The following MRPL20 variants were observed in gnomAD, a reference collection of about 807,000 sequenced individuals.
MRPL20 encodes large ribosomal subunit protein bL20m.
Under a neutral mutation model 20.0 loss-of-function variants are expected in MRPL20, and 21 were observed. The observed-to-expected ratio is 1.05, with a 90% confidence interval of 0.74 to 1.51. The LOEUF (loss-of-function observed/expected upper bound fraction) is 1.51. Ranked by LOEUF, MRPL20 falls within the 40% of genes most tolerant of loss-of-function variation. The pLI is 0.00. For synonymous variants in MRPL20, 104 were observed against 73.0 expected, an observed-to-expected ratio of 1.43 and a Z score of -2.17; for missense variants, 252 against 185.6, an observed-to-expected ratio of 1.36 and a Z score of -2.08.
At chr1:1,402,466 G>A in intron 3 of MRPL20, 1 of 1,320,448 alleles carries the variant, frequency 7.6e-7, no homozygotes, top group South Asian at 2.1e-5. Context: ...AAGCACCTGT[G>A]GAATCTGCAG....
At chr1:1,406,851 G>A (rs1645389245) in intron 2 of MRPL20, 58 bp downstream of exon 2, 3 of 1,462,522 alleles carry the variant, frequency 2.1e-6, no homozygotes, top group South Asian at 2.3e-5. Context: ...GGGTCGCGGC[G>A]CAGAAACGCA....
chr1:1,404,692 G>A (rs897679061), intron 3 of MRPL20, among the ~76,000 whole-genome samples: 18 of 151,706 alleles, frequency 1.2e-4, no homozygotes, highest in African/African-American at 4.1e-4. Context: ...AGTAGAGACC[G>A]GGTTTCACCT....
At position 1,406,961 on chromosome 1, in the gene MRPL20, G is replaced by A; in HGVS notation, c.146C>T (p.Ala49Val). 1 of 1,613,850 alleles carries A rather than the reference G, an allele frequency of 6.2e-7. No homozygotes were observed. Among genetic ancestry groups the A allele is most frequent in the Non-Finnish European group, 8.5e-7 (1 of 1,179,782 alleles). ...TCGGGCTTTGGTGCATTTCACAAAG[G>A]CTCGAATCACGGTTCTGACCGCCAA... ...YRLAVRTVIR[A>V]FVKCTKARYL... is the part of the protein sequence containing the mutation. Residue 49 changes from alanine to valine, a missense_variant, in exon 2 of 4, where the codon GCC (alanine) becomes GTC (valine). By Grantham distance (64) the Ala-to-Val change is moderately conservative. Transcript: ENST00000344843.
At position 1,407,005 on chromosome 1, in the gene MRPL20, C is replaced by T. The variant is rs767932824; in HGVS notation, c.102G>A (p.Arg34=). ...CCGCCAACCTGTAGCAGCGATTTTT[C>T]CTTCCCCGGAAGTGCTGGGACAGAA... ...VLKHARHFRG[R]KNRCYRLAVR... The change falls in exon 2 of 4, where the codon AGG becomes AGA. Residue 34 remains arginine (R), a synonymous_variant. Coordinates refer to ENST00000344843, the MANE Select transcript of MRPL20 (RefSeq NM_017971.4). 35 of 1,613,656 alleles carry T rather than the reference C, an allele frequency of 2.2e-5. No homozygotes were observed. In the East Asian group the frequency reaches 7.6e-4, roughly 35 times the overall value.
intron 3 of MRPL20, chr1:1,405,464 AGT>A: frequency 3.4e-6 from 2 of 596,062 alleles, no homozygotes; most frequent in Non-Finnish European, 6.0e-6. Flanking sequence ...TTTTGTAGAG[AGT>A]GGTCTCACTA....
chr1:1,403,295 G>A (rs1352103122), intron 3 of MRPL20, among the ~76,000 whole-genome samples: 1 of 151,784 alleles, frequency 6.6e-6, no homozygotes, highest in Non-Finnish European at 1.5e-5. Flanking sequence ...CCAAGCTGGA[G>A]TGCAGTGGTG....
chr1:1,402,063 A>C lies in MRPL20; in HGVS notation c.*20T>G, dbSNP rs762493500. ...TGCAAATTACTCTGTCTCTTTTCCT[A>C]ATCAATACAGCAACAGTCCTCAGTG... On this transcript the variant is annotated 3_prime_UTR_variant, in exon 4 of 4. Transcript: ENST00000344843. 5.7e-6 allele frequency: 9 copies of C among 1,591,940 alleles called. No homozygotes were observed. Among genetic ancestry groups the C allele is most frequent in the South Asian group, 2.3e-5 (2 of 87,972 alleles).
intron 3 of MRPL20, among the ~76,000 whole-genome samples, chr1:1,404,843 T>G (rs959629277): frequency 2.6e-5 from 4 of 152,158 alleles, no homozygotes; most frequent in Non-Finnish European, 4.4e-5. Context: ...TTTCCAATTC[T>G]GCTCTGCTGC....
In MRPL20 at chr1:1,402,016, C is replaced by A; in HGVS notation, c.*67G>T. On this transcript the variant is annotated 3_prime_UTR_variant, in exon 4 of 4. Coordinates refer to ENST00000344843, the MANE Select transcript of MRPL20 (RefSeq NM_017971.4). Reference sequence around the variant, plus strand: ...TGTCTGTTATTGGGTTGTAGATAAACAAAAGTATAAATCAAACAAACTGCA... The same window carrying A: ...TGTCTGTTATTGGGTTGTAGATAAAAAAAAGTATAAATCAAACAAACTGCA... The A allele has an allele frequency of 6.5e-7, 1 of 1,534,360 alleles. No homozygotes were observed. The highest frequency in any genetic ancestry group is 8.8e-7 in the Non-Finnish European group (1 of 1,133,868).
intron 3 of MRPL20, 58 bp from the exon 4 acceptor site, chr1:1,402,314 C>T (rs1384016135): frequency 4.6e-6 from 7 of 1,536,126 alleles, no homozygotes; most frequent in East Asian, 2.3e-5. Flanking sequence ...TCCGGCTCCG[C>T]GTGGTTGCGG....
rs1645394465 is a variant in MRPL20, at chr1:1,407,244, A to C, written c.-27T>G. On this transcript the variant is annotated 5_prime_UTR_variant, in exon 1 of 4. Coordinates refer to ENST00000344843, the MANE Select transcript of MRPL20 (RefSeq NM_017971.4). The stretch of plus-strand genomic sequence containing the variant: ...GCGCCTGCAGGCCGGCGTCCCGAAC[A>C]CTCAACAACGCACGCGCAGCGCCGC... 1 of 1,560,806 alleles carries C rather than the reference A, an allele frequency of 6.4e-7. No individual in the cohort carries two copies. The highest frequency in any genetic ancestry group is 1.9e-5 in the Admixed American group (1 of 53,230).
At position 1,402,311 on chromosome 1, in the gene MRPL20, C is replaced by T. The variant is rs979711665; in HGVS notation, c.277-55G>A. 5 of 1,543,316 alleles carry T rather than the reference C, an allele frequency of 3.2e-6. No individual in the cohort carries two copies. In the Admixed American group the frequency reaches 5.9e-5, roughly 18 times the overall value. On this transcript the variant is annotated intron_variant, in intron 3 of 3. Transcript: ENST00000344843. The stretch of plus-strand genomic sequence containing the variant: ...TCAGTGTGAGACACACACTCCGGCT[C>T]CGCGTGGTTGCGGCGCTGGCTCAGG...
chr1:1,402,873 A>T (rs569638236), intron 3 of MRPL20, among the ~76,000 whole-genome samples: 1 of 152,226 alleles, frequency 6.6e-6, no homozygotes, highest in South Asian at 2.1e-4. Context: ...TCATGCCTGT[A>T]ATCTGAGCAC....
intron 3 of MRPL20, chr1:1,402,698 A>C: frequency 1.1e-6 from 1 of 898,242 alleles, no homozygotes; most frequent in Non-Finnish European, 1.3e-6. Context: ...AAATTCAGCT[A>C]CCAAGGCAGG....
At chr1:1,404,544 A>G (rs1645365512) in intron 3 of MRPL20, among the ~76,000 whole-genome samples, 1 of 150,110 alleles carries the variant, frequency 6.7e-6, no homozygotes, top group Non-Finnish European at 1.5e-5. Context: ...TCTGTTGCCC[A>G]GGCTGCAGTG....
At position 1,407,121 on chromosome 1, in the gene MRPL20, C is replaced by T. The variant is rs1645392768; in HGVS notation, c.87+10G>A. 3 of 1,606,440 alleles carry T rather than the reference C, an allele frequency of 1.9e-6. No homozygotes were observed. Among genetic ancestry groups the T allele is most frequent in the Admixed American group, 3.4e-5 (2 of 59,216 alleles). On this transcript the variant is annotated intron_variant, in intron 1 of 3. Coordinates refer to ENST00000344843, the MANE Select transcript of MRPL20 (RefSeq NM_017971.4). The stretch of plus-strand genomic sequence containing the variant: ...GCGCCCAGTGCCCAGGCCGGGCAGG[C>T]GGCACTCACCCTGGCGTGCTTCAGC...
In MRPL20 at chr1:1,401,914, AGT is replaced by A. The variant is rs2100390337; in HGVS notation, c.*167_*168del. The A allele has an allele frequency of 6.5e-6, 5 of 769,408 alleles. No individual in the cohort carries two copies. The South Asian group carries it at 9.4e-5, about 14-fold the overall frequency. 47.7% of individuals were successfully genotyped at this position (769,408 alleles called of 1,614,324 possible). ...CAGAAAATGACTCTAAAAACTGAAG[AGT>A]GTTTGAGTTTCATTCACACAAAACA... On this transcript the variant is annotated 3_prime_UTR_variant, in exon 4 of 4. Coordinates refer to ENST00000344843, the MANE Select transcript of MRPL20 (RefSeq NM_017971.4).
At chr1:1,402,473 G>T in intron 3 of MRPL20, 1 of 1,312,394 alleles carries the variant, frequency 7.6e-7, no homozygotes, top group Non-Finnish European at 9.7e-7. Flanking sequence ...TGTGGAATCT[G>T]CAGGGAGGCT....
intron 1 of MRPL20, 54 bp downstream of exon 1, chr1:1,407,077 G>T: frequency 6.2e-7 from 1 of 1,608,186 alleles, no homozygotes; most frequent in Non-Finnish European, 8.5e-7. Flanking sequence ...GCCGCCCCTT[G>T]GCCCGCGGGA....
Sources: allele counts gnomAD v4.1 joint callset (sites outside exome capture counted in the v4.1 genomes callset), GRCh38; gene constraint gnomAD v4.1.1; transcripts MANE v1.5; gene names NCBI Gene and HGNC (gene_info 2026-07-23, HGNC 2026-07-21).